The following CENPW variants were observed in gnomAD, a reference collection of about 807,000 sequenced individuals.
CENPW encodes centromere protein W, also known as cancer-up-regulated gene 2 protein.
A neutral mutation model predicts 11.1 loss-of-function variants in CENPW; 3 were observed. The observed-to-expected ratio is 0.27, with a 90% CI of 0.12 to 0.70. The LOEUF (loss-of-function observed/expected upper bound fraction) is 0.70. Ranked by LOEUF, CENPW falls within the 30% of genes least tolerant of loss-of-function variation. The pLI is 0.77. For missense variants in CENPW, 100 were observed against 105.6 expected (o/e 0.95, Z 0.23); for synonymous variants, 38 against 42.0 (o/e 0.91, Z 0.37).
chr6:126,481,863 T>C, the CENPW span, among the ~76,000 whole-genome samples: 1 of 152,138 alleles, frequency 6.6e-6, no homozygotes, highest in South Asian at 2.1e-4. Flanking sequence ...TTTAGCACCA[T>C]AATGAATATG....
At chr6:126,404,318 A>G in the CENPW span, among the ~76,000 whole-genome samples, 1 of 152,148 alleles carries the variant, frequency 6.6e-6, no homozygotes, top group Non-Finnish European at 1.5e-5. Flanking sequence ...TAAGACAAAC[A>G]TTGCATAAGG....
the CENPW span, among the ~76,000 whole-genome samples, chr6:126,442,589 C>G: frequency 4.0e-5 from 6 of 151,390 alleles, no homozygotes; most frequent in African/African-American, 1.4e-4. Flanking sequence ...TACTATCTCA[C>G]TTAAACTTTA....
chr6:126,403,077 A>G, the CENPW span, among the ~76,000 whole-genome samples: 1 of 152,048 alleles, frequency 6.6e-6, no homozygotes, highest in Non-Finnish European at 1.5e-5. Flanking sequence ...TTGTTTTGGG[A>G]CACCACAAAT....
the CENPW span, among the ~76,000 whole-genome samples, chr6:126,420,612 T>C: frequency 6.6e-6 from 1 of 152,114 alleles, no homozygotes; most frequent in African/African-American, 2.4e-5. Flanking sequence ...TATTTGCTGG[T>C]TGGTCTTTTA....
the CENPW span, among the ~76,000 whole-genome samples, chr6:126,444,113 T>G: frequency 2.0e-5 from 3 of 150,942 alleles, no homozygotes; most frequent in Non-Finnish European, 4.5e-5. Flanking sequence ...GGAAGGATCT[T>G]TTTAATTTTT....
chr6:126,448,202 A>T, the CENPW span, among the ~76,000 whole-genome samples: 24 of 151,182 alleles, frequency 1.6e-4, no homozygotes, highest in Non-Finnish European at 1.5e-5. Context: ...TTGACTCAAG[A>T]CTTACTGAAT....
At chr6:126,469,045 C>T in the CENPW span, among the ~76,000 whole-genome samples, 5 of 152,264 alleles carry the variant, frequency 3.3e-5, no homozygotes, top group East Asian at 1.9e-4. Flanking sequence ...CCACCCACCT[C>T]GGTCCCCCAA....
chr6:126,352,030 G>A (rs1004893878), downstream of CENPW, among the ~76,000 whole-genome samples: 1 of 152,044 alleles, frequency 6.6e-6, no homozygotes, highest in Non-Finnish European at 1.5e-5. Flanking sequence ...TATTTAGGTG[G>A]GAGCTGAGAA....
chr6:126,362,953 G>C, the CENPW span, among the ~76,000 whole-genome samples: 1 of 152,076 alleles, frequency 6.6e-6, no homozygotes, highest in Non-Finnish European at 1.5e-5. Context: ...GTTTTGGCTT[G>C]CATGCTGAAA....
the CENPW span, among the ~76,000 whole-genome samples, chr6:126,472,183 C>T: frequency 2.0e-5 from 3 of 152,122 alleles, no homozygotes; most frequent in Admixed American, 1.3e-4. Flanking sequence ...CATGAAATTG[C>T]ATATAATTAT....
intron 1 of CENPW, among the ~76,000 whole-genome samples, chr6:126,342,730 T>C (rs1187994065): frequency 6.6e-6 from 1 of 152,178 alleles, no homozygotes; most frequent in East Asian, 1.9e-4. Flanking sequence ...TTTTTCTTTA[T>C]GGGTTTGATT....
In CENPW at chr6:126,348,800, T is replaced by C. The variant is rs1780456820; in HGVS notation, c.*308T>C. On this transcript the variant is annotated 3_prime_UTR_variant, in exon 3 of 3. Coordinates refer to ENST00000368328, the MANE Select transcript of CENPW (RefSeq NM_001012507.4). ...CTTACTATATTAAATACTTTGAAAATGTACTTCTTAGAATTAAGTTTATAT... is the reference window on the plus strand; with the variant it reads ...CTTACTATATTAAATACTTTGAAAACGTACTTCTTAGAATTAAGTTTATAT... The C allele has an allele frequency of 5.3e-6, 1 of 189,130 alleles. No individual in the cohort carries two copies. Among genetic ancestry groups the C allele is most frequent in the Admixed American group, 6.1e-5 (1 of 16,340 alleles). The allele number at this position is 189,130 out of a possible 1,614,324, so 11.7% of individuals were successfully genotyped here. A position where few individuals can be genotyped will look rare whatever the true frequency, so the allele number is the denominator to read the frequency against.
the CENPW span, among the ~76,000 whole-genome samples, chr6:126,377,755 CA>C: frequency 1.3e-5 from 2 of 152,180 alleles, no homozygotes; most frequent in East Asian, 3.8e-4. Context: ...AAGTCTCTTC[CA>C]AAGTCCAGAT....
the CENPW span, among the ~76,000 whole-genome samples, chr6:126,414,300 A>G: frequency 6.6e-6 from 1 of 152,266 alleles, no homozygotes; most frequent in East Asian, 1.9e-4. Flanking sequence ...TAAACTTCAC[A>G]TTACACCTAA....
chr6:126,393,799 CAT>C, the CENPW span, among the ~76,000 whole-genome samples: 431 of 149,842 alleles, frequency 2.9e-3, 2 homozygotes, highest in Non-Finnish European at 3.4e-3. Context: ...ATTATATAGG[CAT>C]ATATATATAA....
chr6:126,404,669 GT>G, the CENPW span, among the ~76,000 whole-genome samples: 8 of 151,916 alleles, frequency 5.3e-5, no homozygotes, highest in Admixed American at 2.6e-4. Context: ...CTCACCAAAA[GT>G]TTTAATTTTT....
At chr6:126,438,446 T>C in the CENPW span, among the ~76,000 whole-genome samples, 5 of 151,448 alleles carry the variant, frequency 3.3e-5, no homozygotes, top group East Asian at 2.0e-4. Context: ...TATTTTTTGA[T>C]AGAAAAAATT....
chr6:126,425,368 G>A, the CENPW span, among the ~76,000 whole-genome samples: 26 of 151,794 alleles, frequency 1.7e-4, no homozygotes, highest in East Asian at 9.7e-4. Context: ...TTCTTCTCTC[G>A]CTCTTTTACT....
chr6:126,352,995 G>T (rs1027064511), downstream of CENPW, among the ~76,000 whole-genome samples: 2 of 151,890 alleles, frequency 1.3e-5, no homozygotes, highest in Non-Finnish European at 2.9e-5. Flanking sequence ...TTTTACTAAA[G>T]ATTATAATCT....
Sources: gnomAD v4.1 joint callset for allele counts (sites outside exome capture counted in the v4.1 genomes callset) on GRCh38, gnomAD v4.1.1 for gene constraint, MANE v1.5 for transcripts, NCBI Gene and HGNC (gene_info 2026-07-23, HGNC 2026-07-21) for gene names.